Variants in ENOX1 observed in about 807,000 individuals in gnomAD.
ENOX1 encodes the protein candidate growth-related and time keeping constitutive hydroquinone (NADH) oxidase.
ENOX1 carries 42 observed loss-of-function variants against 82.5 expected under a neutral mutation model. The ratio of observed to expected loss-of-function variants is 0.51; its 90% CI spans 0.40 to 0.66. The LOEUF (loss-of-function observed/expected upper bound fraction) is 0.66, where lower values mean the gene tolerates loss of function less well. ENOX1 is among the 30% of genes least tolerant of loss of function. The pLI, the probability that ENOX1 is intolerant of heterozygous loss-of-function variation, is 0.00. For missense variants in ENOX1, 608 were observed against 811.6 expected (o/e 0.75, Z 3.05); for synonymous variants, 271 against 282.2 (o/e 0.96, Z 0.40).
At chr13:43,766,167 A>G (rs753799039) in intron 1 of ENOX1, among the ~76,000 whole-genome samples, 6 of 152,188 alleles carry the variant, frequency 3.9e-5, no homozygotes, top group Admixed American at 6.5e-5. Flanking sequence ...TGCCACCTCA[A>G]AACATTCTAA....
Position 43,374,906 on chromosome 13 carries a change from C to T in ENOX1, c.209-13454G>A, listed in dbSNP as rs576462129. On this transcript the variant is annotated intron_variant, in intron 5 of 16. Coordinates refer to ENST00000690772, the MANE Select transcript of ENOX1 (RefSeq NM_001347969.2). ...TTGTAGTCTCCAGGGTGGTAAAGAG[C>T]AGAGGGGGAAAAGCAGGATGCACAG... is the stretch of plus-strand genomic sequence containing the variant. 1.5e-4 allele frequency among the ~76,000 whole-genome samples: 23 copies of T among 152,164 alleles called. No homozygotes were observed. In the South Asian group the frequency reaches 4.8e-3, roughly 32 times the overall value.
At chr13:43,418,112 G>A (rs576466824) in intron 3 of ENOX1, among the ~76,000 whole-genome samples, 2 of 152,222 alleles carry the variant, frequency 1.3e-5, no homozygotes, top group East Asian at 1.9e-4. Context: ...AGGAGGCTAC[G>A]ACAGGAGAAT....
At chr13:43,720,290 C>T (rs1160156496) in intron 1 of ENOX1, among the ~76,000 whole-genome samples, 2 of 152,210 alleles carry the variant, frequency 1.3e-5, no homozygotes, top group Non-Finnish European at 2.9e-5. Flanking sequence ...ACTAGGGCTG[C>T]TCCCTGAACC....
At chr13:43,742,379 G>T (rs1258480041) in intron 1 of ENOX1, among the ~76,000 whole-genome samples, 1 of 151,966 alleles carries the variant, frequency 6.6e-6, no homozygotes, top group Non-Finnish European at 1.5e-5. Context: ...GTCAAAGACA[G>T]GAGAAAATGG....
chr13:43,397,300 A>G (rs546984644), intron 5 of ENOX1, among the ~76,000 whole-genome samples: 77 of 152,362 alleles, frequency 5.1e-4, no homozygotes, highest in Non-Finnish European at 1.0e-3. Context: ...TTTCCAAGAG[A>G]GGCCACTAAG....
chr13:43,740,581 G>A (rs2089860484), intron 1 of ENOX1, among the ~76,000 whole-genome samples: 1 of 152,036 alleles, frequency 6.6e-6, no homozygotes, highest in Admixed American at 6.6e-5. Flanking sequence ...CATTACCCAG[G>A]TATTAAGCCT....
intron 2 of ENOX1, among the ~76,000 whole-genome samples, chr13:43,575,062 C>T (rs1467447635): frequency 1.3e-5 from 2 of 152,192 alleles, no homozygotes; most frequent in South Asian, 4.1e-4. Context: ...TTAAAATTTG[C>T]TTTAAGCACC....
At chr13:43,727,718 C>G (rs1328600112) in intron 1 of ENOX1, among the ~76,000 whole-genome samples, 2 of 152,096 alleles carry the variant, frequency 1.3e-5, no homozygotes, top group Non-Finnish European at 2.9e-5. Context: ...TCCCTACTGC[C>G]CCCACCTCTA....
intron 1 of ENOX1, among the ~76,000 whole-genome samples, chr13:43,728,966 T>C (rs2089160333): frequency 6.6e-6 from 1 of 152,194 alleles, no homozygotes; most frequent in South Asian, 2.1e-4. Context: ...TGCCCTTTCT[T>C]TGGCTAGCTA....
At chr13:43,292,798 T>TCCTCA (rs2153502942) in intron 12 of ENOX1, among the ~76,000 whole-genome samples, 1 of 150,470 alleles carries the variant, frequency 6.6e-6, no homozygotes, top group African/African-American at 2.4e-5. Flanking sequence ...ATAGTCATCA[T>TCCTCA]CCTCACCATA....
intron 11 of ENOX1, among the ~76,000 whole-genome samples, chr13:43,307,125 C>T (rs2046913165): frequency 6.6e-6 from 1 of 152,208 alleles, no homozygotes; most frequent in Non-Finnish European, 1.5e-5. Context: ...CACTTTTATG[C>T]TTGGGCAATG....
At chr13:43,364,442 C>A (rs1019674367) in intron 5 of ENOX1, among the ~76,000 whole-genome samples, 8 of 152,128 alleles carry the variant, frequency 5.3e-5, no homozygotes, top group Non-Finnish European at 8.8e-5. Flanking sequence ...AGACCGTGGC[C>A]CTGTCTGGCT....
intron 1 of ENOX1, among the ~76,000 whole-genome samples, chr13:43,690,711 C>T (rs961275876): frequency 1.2e-4 from 18 of 152,296 alleles, no homozygotes; most frequent in African/African-American, 4.1e-4. Context: ...ACAAGTCTTT[C>T]TTATTGCTAC....
chr13:43,730,706 T>C (rs139630185), intron 1 of ENOX1, among the ~76,000 whole-genome samples: 192 of 152,278 alleles, frequency 1.3e-3, no homozygotes, highest in African/African-American at 3.9e-3. Flanking sequence ...TCCCATCTAG[T>C]GTCTGCCCAC....
chr13:43,521,833 A>G (rs1461567649), intron 2 of ENOX1, among the ~76,000 whole-genome samples: 1 of 152,162 alleles, frequency 6.6e-6, no homozygotes, highest in Non-Finnish European at 1.5e-5. Context: ...GTGTAGGCTC[A>G]GTACATGCTT....
rs991114445 is a variant in ENOX1, at chr13:43,484,009, C to T, written c.-75G>A. On this transcript the variant is annotated splice_region_variant and 5_prime_UTR_variant, in exon 3 of 17. Transcript: ENST00000690772. ...GAAAAATGAAAAAATTAACACAAAC[C>T]TCAAAACTGCCAGCAGCTCAGAAGA... 3.2e-5 allele frequency: 32 copies of T among 985,364 alleles called. No homozygotes were observed. The South Asian group carries it at 1.4e-3, about 43-fold the overall frequency. 61.0% of individuals were successfully genotyped at this position (985,364 alleles called of 1,614,324 possible).
intron 8 of ENOX1, among the ~76,000 whole-genome samples, chr13:43,350,289 A>G (rs1594084192): frequency 6.6e-6 from 1 of 152,172 alleles, no homozygotes; most frequent in Non-Finnish European, 1.5e-5. Flanking sequence ...GACAGTCATG[A>G]TTTCACCGCC....
Position 43,411,938 on chromosome 13 carries a change from C to A in ENOX1, c.186G>T (p.Leu62Phe), listed in dbSNP as rs368831564. 1 of 1,614,184 alleles carries A rather than the reference C, an allele frequency of 6.2e-7. No homozygotes were observed. Among genetic ancestry groups the A allele is most frequent in the Non-Finnish European group, 8.5e-7 (1 of 1,180,026 alleles). Residue 62 changes from leucine (L) to phenylalanine (F), a missense_variant, in exon 5 of 17, where the codon TTG becomes TTT. Coordinates refer to ENST00000690772, the MANE Select transcript of ENOX1 (RefSeq NM_001347969.2). ...MNNLGMVPVG[L>F]PGQQLVSDSI... ...TACCAGACACGAGCTGCTGTCCAGG[C>A]AACCCTACGGGAACCATGCCCAGGT...
intron 2 of ENOX1, among the ~76,000 whole-genome samples, chr13:43,643,184 G>C (rs73184179): frequency 6.6e-6 from 1 of 152,338 alleles, no homozygotes; most frequent in Non-Finnish European, 1.5e-5. Flanking sequence ...GTTAGATTCA[G>C]AAACTTCACC....
Sources: allele counts gnomAD v4.1 joint callset (sites outside exome capture counted in the v4.1 genomes callset), GRCh38; gene constraint gnomAD v4.1.1; transcripts MANE v1.5; gene names NCBI Gene and HGNC (gene_info 2026-07-23, HGNC 2026-07-21).